ARG2: variants seen among roughly 807,000 people sequenced by gnomAD.
ARG2 encodes arginase 2, also known as arginase-2, mitochondrial.
In ARG2, 21 loss-of-function variants were observed where a neutral mutation model predicts 39.4. That is an observed-to-expected ratio of 0.53 (90% CI 0.38 to 0.77). The LOEUF (loss-of-function observed/expected upper bound fraction) is 0.77. ARG2 is among the 30% of genes least tolerant of loss of function. The probability of loss-of-function intolerance (pLI) is 0.00; values close to 1 mark genes in which losing one functional copy is unlikely to be tolerated. For missense variants in ARG2, 378 were observed against 426.2 expected (o/e 0.89, Z 1.00); for synonymous variants, 150 against 156.7 (o/e 0.96, Z 0.32).
At chr14:67,638,937 A>G (rs1005097506) in intron 2 of ARG2, among the ~76,000 whole-genome samples, 1 of 152,262 alleles carries the variant, frequency 6.6e-6, no homozygotes, top group African/African-American at 2.4e-5. Flanking sequence ...CTGAATAGCC[A>G]GAATGCTGTT....
intron 2 of ARG2, among the ~76,000 whole-genome samples, chr14:67,639,571 G>C (rs1341826898): frequency 6.6e-6 from 1 of 152,044 alleles, no homozygotes; most frequent in Non-Finnish European, 1.5e-5. Flanking sequence ...TTTAAGGAGA[G>C]TGCTGAGATA....
At chr14:67,642,396 G>A (rs1267963663) in intron 3 of ARG2, 33 bp downstream of exon 3, 2 of 1,609,224 alleles carry the variant, frequency 1.2e-6, no homozygotes, top group Non-Finnish European at 1.7e-6. Flanking sequence ...TGAGGGGATG[G>A]ATTACATGGT....
intron 4 of ARG2, 86 bp downstream of exon 4, chr14:67,645,888 G>A (rs2037092048): frequency 1.3e-6 from 2 of 1,486,654 alleles, no homozygotes; most frequent in Admixed American, 3.7e-5. Context: ...TTTGGTGAAG[G>A]GTGGGTTGAG....
chr14:67,645,717 C>G lies in ARG2; in HGVS notation c.437C>G (p.Ala146Gly), dbSNP rs11622821. The change falls in exon 4 of 8, where the codon GCT becomes GGT. Residue 146 changes from alanine to glycine, a missense_variant. Transcript: ENST00000261783. ...TGTGTTGTCTGGGTTGATGCCCATG[C>G]TGACATCAACACACCCCTTACCACT... ...DLCVVWVDAH[A>G]DINTPLTTSS... is the part of the protein sequence containing the mutation. The G allele has an allele frequency of 2.5e-6, 4 of 1,613,990 alleles. No homozygotes were observed. Among genetic ancestry groups the G allele is most frequent in the Non-Finnish European group, 2.5e-6 (3 of 1,179,912 alleles).
At chr14:67,630,694 T>C (rs530493531) in intron 2 of ARG2, among the ~76,000 whole-genome samples, 1 of 152,346 alleles carries the variant, frequency 6.6e-6, no homozygotes, top group Non-Finnish European at 1.5e-5. Flanking sequence ...ATTCTCTGCC[T>C]CAGCCTCCAT....
At chr14:67,644,260 CAT>C (rs2037068280) in intron 3 of ARG2, among the ~76,000 whole-genome samples, 3 of 152,154 alleles carry the variant, frequency 2.0e-5, no homozygotes, top group South Asian at 4.1e-4. Flanking sequence ...TGTAGTTTAA[CAT>C]ATATTACTAC....
intron 2 of ARG2, among the ~76,000 whole-genome samples, chr14:67,641,804 CTCTT>C (rs1031257265): frequency 2.0e-5 from 3 of 151,890 alleles, no homozygotes; most frequent in Admixed American, 6.6e-5. Flanking sequence ...AAATGAGACT[CTCTT>C]TGTGTATTTT....
intron 6 of ARG2, chr14:67,647,259 A>T (rs182319313): frequency 1.2e-5 from 5 of 431,184 alleles, no homozygotes; most frequent in Non-Finnish European, 1.6e-5. Context: ...ATTTTTCTTT[A>T]TCTCCATCTT....
At chr14:67,629,070 A>T (rs968567870) in intron 2 of ARG2, among the ~76,000 whole-genome samples, 1 of 152,224 alleles carries the variant, frequency 6.6e-6, no homozygotes, top group East Asian at 1.9e-4. Context: ...GGGGTGGCTC[A>T]TGCCTGTAAT....
intron 2 of ARG2, among the ~76,000 whole-genome samples, chr14:67,634,259 G>A (rs2036947163): frequency 6.6e-6 from 1 of 151,934 alleles, no homozygotes; most frequent in Admixed American, 6.6e-5. Context: ...ATGACTCAAA[G>A]GATAACTGCC....
chr14:67,630,170 T>C (rs2036905077), intron 2 of ARG2, among the ~76,000 whole-genome samples: 1 of 152,238 alleles, frequency 6.6e-6, no homozygotes, highest in Non-Finnish European at 1.5e-5. Flanking sequence ...GGTCTAGTTC[T>C]GTATTAGGTT....
intron 3 of ARG2, among the ~76,000 whole-genome samples, chr14:67,643,125 C>T (rs1420768356): frequency 6.6e-6 from 1 of 152,156 alleles, no homozygotes; most frequent in African/African-American, 2.4e-5. Flanking sequence ...TCTGCCTCCA[C>T]AATATGGACC....
rs1185149375 is a variant in ARG2, at chr14:67,646,923, T to G, written c.620T>G (p.Phe207Cys). 3.2e-6 allele frequency: 5 copies of G among 1,582,944 alleles called. No individual in the cohort carries two copies. In the African/African-American group the frequency reaches 4.0e-5, roughly 13 times the overall value. Residue 207 changes from phenylalanine (F) to cysteine (C), a missense_variant and splice_region_variant, in exon 6 of 8, where the codon TTT becomes TGT. Phe to Cys is a radical substitution (Grantham distance 205). Transcript: ENST00000261783. ...CCTCCCTTTATATCTCATCACAGTT[T>G]TATTTTAAAGAACTATGATATCCAG... ...GLRDVDPPEHFILKNYDIQYF... is the reference protein window; with the variant it reads ...GLRDVDPPEHCILKNYDIQYF...
chr14:67,621,529 C>T (rs749220369), intron 2 of ARG2, among the ~76,000 whole-genome samples: 1 of 151,474 alleles, frequency 6.6e-6, no homozygotes, highest in Non-Finnish European at 1.5e-5. Context: ...AATATTGGCT[C>T]ATTGCAACCT....
chr14:67,630,992 G>T (rs978880347), intron 2 of ARG2, among the ~76,000 whole-genome samples: 5 of 152,172 alleles, frequency 3.3e-5, no homozygotes. Flanking sequence ...ACACTCGGCA[G>T]TGCCCTCTCC....
chr14:67,650,873 C>T lies in ARG2; in HGVS notation c.1018C>T (p.Pro340Ser), dbSNP rs768729907. The T allele has an allele frequency of 6.1e-5, 98 of 1,614,038 alleles. No individual in the cohort carries two copies. Among genetic ancestry groups the T allele is most frequent in the Admixed American group, 4.0e-4 (24 of 60,002 alleles). Residue 340 changes from proline to serine, a missense_variant, in exon 8 of 8, where the codon CCC becomes TCC. By Grantham distance (74) the Pro-to-Ser change is moderately conservative (BLOSUM62 -1). Transcript: ENST00000261783. ...TATTGTCTATGACCAACTTCCTACT[C>T]CCAGTTCACCAGATGAATCAGAAAA... ...GHIVYDQLPT[P>S]SSPDESENQA...
intron 2 of ARG2, among the ~76,000 whole-genome samples, chr14:67,637,719 A>T (rs79449592): frequency 1.3e-5 from 2 of 152,202 alleles, no homozygotes; most frequent in African/African-American, 2.4e-5. Flanking sequence ...CAGTTATGTA[A>T]TTAACTAGAA....
chr14:67,629,193 A>G (rs2036895222), intron 2 of ARG2, among the ~76,000 whole-genome samples: 1 of 152,018 alleles, frequency 6.6e-6, no homozygotes, highest in Non-Finnish European at 1.5e-5. Context: ...AAAATTAGCC[A>G]GGTGTGGTGG....
At position 67,620,000 on chromosome 14, in the gene ARG2, C is replaced by T. The variant is rs2036790516; in HGVS notation, c.23C>T (p.Ser8Leu). 1.2e-6 allele frequency: 2 copies of T among 1,607,510 alleles called. No homozygotes were observed. Among genetic ancestry groups the T allele is most frequent in the Admixed American group, 1.7e-5 (1 of 59,230 alleles). The change falls in exon 1 of 8, where the codon TCG (serine) becomes TTG (leucine). Residue 8 changes from serine (S) to leucine (L), a missense_variant. Coordinates refer to ENST00000261783, the MANE Select transcript of ARG2 (RefSeq NM_001172.4). MSLRGSL[S>L]RLLQTRVHSI... Reference sequence around the variant, plus strand: ...ATCATGTCCCTAAGGGGCAGCCTCTCGCGTCTCCTCCAGACGCGAGTGCAT... The same window carrying T: ...ATCATGTCCCTAAGGGGCAGCCTCTTGCGTCTCCTCCAGACGCGAGTGCAT...
Sources: gnomAD v4.1 joint callset for allele counts (sites outside exome capture counted in the v4.1 genomes callset) on GRCh38, gnomAD v4.1.1 for gene constraint, MANE v1.5 for transcripts, NCBI Gene and HGNC (gene_info 2026-07-23, HGNC 2026-07-21) for gene names.